Variants in MMP7 observed in about 807,000 individuals in gnomAD.
MMP7 encodes the protein matrilysin.
Under a neutral mutation model 31.5 loss-of-function variants are expected in MMP7, and 26 were observed. That is an observed-to-expected ratio of 0.83 (90% CI 0.61 to 1.15). The LOEUF (loss-of-function observed/expected upper bound fraction) is 1.15. Among genes scored for constraint, MMP7 ranks in the 50% most tolerant of loss-of-function variants. MMP7 has a pLI of 0.00. For missense variants in MMP7, 367 were observed against 326.5 expected (o/e 1.12, Z -0.96); for synonymous variants, 142 against 124.2 (o/e 1.14, Z -0.95).
At position 102,527,862 on chromosome 11, in the gene MMP7, C is replaced by T. The variant is rs10502001; in HGVS notation, c.230G>A (p.Arg77His). Residue 77 changes from arginine to histidine, a missense_variant, in exon 2 of 6, where the codon CGC becomes CAC. Coordinates refer to ENST00000260227, the MANE Select transcript of MMP7 (RefSeq NM_002423.5). ...GGGCTTCTGCATTATTTCTATGACG[C>T]GGGAGTTTAACATTCCAGTTATAGG... ...GLPITGMLNS[R>H]VIEIMQKPRC... 0.21 allele frequency: 332,760 copies of T among 1,613,680 alleles called. 37,027 individuals carry two copies. The highest frequency in any genetic ancestry group is 0.23 in the Non-Finnish European group (266,487 of 1,179,720).
chr11:102,530,551 T>C, intron 1 of MMP7, 42 bp downstream of exon 1: 1 of 1,479,458 alleles, frequency 6.8e-7, no homozygotes, highest in Non-Finnish European at 9.5e-7. Context: ...TTAATGCAGA[T>C]GGCAAAAGAA....
Position 102,525,059 on chromosome 11 carries a change from C to T in MMP7, c.490G>A (p.Gly164Arg). The change falls in exon 4 of 6, where the codon GGG becomes AGG. Residue 164 changes from glycine to arginine, a missense_variant. Coordinates refer to ENST00000260227, the MANE Select transcript of MMP7 (RefSeq NM_002423.5). ...IMIGFARGAHGDSYPFDGPGN... is the reference protein window; with the variant it reads ...IMIGFARGAHRDSYPFDGPGN... ...GGCCCATCAAATGGGTAGGAGTCCC[C>T]ATGAGCTGAAAGAAAATGGAGTGAT... 1 of 1,595,022 alleles carries T rather than the reference C, an allele frequency of 6.3e-7. No homozygotes were observed. Among genetic ancestry groups the T allele is most frequent in the Non-Finnish European group, 8.5e-7 (1 of 1,174,456 alleles).
At chr11:102,522,340 T>A (rs1247197492) in intron 5 of MMP7, among the ~76,000 whole-genome samples, 1 of 152,284 alleles carries the variant, frequency 6.6e-6, no homozygotes, top group Non-Finnish European at 1.5e-5. Context: ...AGTGATCTTT[T>A]TGCAGTGTAT....
intron 3 of MMP7, chr11:102,527,236 A>C (rs1398626005): frequency 2.5e-6 from 1 of 404,008 alleles, no homozygotes; most frequent in East Asian, 5.3e-5. Context: ...CATAGGTAAT[A>C]GGGAAATGAA....
intron 5 of MMP7, among the ~76,000 whole-genome samples, chr11:102,521,978 T>C (rs1385652492): frequency 6.6e-6 from 1 of 152,244 alleles, no homozygotes; most frequent in Non-Finnish European, 1.5e-5. Flanking sequence ...CCAAAGTGTG[T>C]TCTCTGAAGT....
chr11:102,525,976 A>T (rs564171931), intron 3 of MMP7, among the ~76,000 whole-genome samples: 1 of 151,852 alleles, frequency 6.6e-6, no homozygotes, highest in African/African-American at 2.4e-5. Flanking sequence ...CTTTCCCATA[A>T]CATTTTCTTC....
Position 102,530,674 on chromosome 11 carries a change from C to T in MMP7, c.27G>A (p.Val9=), listed in dbSNP as rs777252859. The change falls in exon 1 of 6, where the codon GTG becomes GTA. Residue 9 remains valine (V), a synonymous_variant. Transcript: ENST00000260227. MRLTVLCA[V]CLLPGSLALP... is the part of the protein sequence containing the mutation. ...GGGCCAGGCTGCCAGGCAGCAGGCA[C>T]ACAGCACACAGCACGGTGAGTCGCA... is the stretch of plus-strand genomic sequence containing the variant. 2 of 1,613,832 alleles carry T rather than the reference C, an allele frequency of 1.2e-6. No homozygotes were observed. The highest frequency in any genetic ancestry group is 4.5e-5 in the East Asian group (2 of 44,872).
chr11:102,530,445 A>G lies in MMP7; in HGVS notation c.108+148T>C. Reference sequence around the variant, plus strand: ...ACCTGCTTTTAATGGCTACTTGATGAAAACATATATTGCTTTTATAATCCG... The same window carrying G: ...ACCTGCTTTTAATGGCTACTTGATGGAAACATATATTGCTTTTATAATCCG... On this transcript the variant is annotated intron_variant, in intron 1 of 5. Coordinates refer to ENST00000260227, the MANE Select transcript of MMP7 (RefSeq NM_002423.5). 15 of 663,670 alleles carry G rather than the reference A, an allele frequency of 2.3e-5. 1 individual carries two copies. The South Asian group carries it at 2.4e-4, about 11-fold the overall frequency. The allele number at this position is 663,670 out of a possible 1,614,324, so 41.1% of individuals were successfully genotyped here. A position where few individuals can be genotyped will look rare whatever the true frequency, so the allele number is the denominator to read the frequency against.
At chr11:102,525,105 T>A in intron 3 of MMP7, 41 bp from the exon 4 acceptor site, 1 of 1,568,692 alleles carries the variant, frequency 6.4e-7, no homozygotes, top group Non-Finnish European at 8.6e-7. Context: ...GACTGATTTT[T>A]TTTTTCTCCA....
intron 5 of MMP7, among the ~76,000 whole-genome samples, 173 bp downstream of exon 5, chr11:102,523,067 C>A (rs1458298910): frequency 6.6e-6 from 1 of 152,142 alleles, no homozygotes; most frequent in East Asian, 1.9e-4. Context: ...TAGTATATTA[C>A]AGCCTAGTTA....
At position 102,520,595 on chromosome 11, in the gene MMP7, A is replaced by T; in HGVS notation, c.*181T>A. 1.9e-6 allele frequency: 1 copy of T among 520,570 alleles called. No homozygotes were observed. Among genetic ancestry groups the T allele is most frequent in the South Asian group, 2.9e-5 (1 of 34,614 alleles). 32.2% of individuals were successfully genotyped at this position (520,570 alleles called of 1,614,324 possible). ...CACTGCAAGTATAGATGAATAAGAC[A>T]CAGTCACACCATAAAGGAGTTTATC... is the stretch of plus-strand genomic sequence containing the variant. On this transcript the variant is annotated 3_prime_UTR_variant, in exon 6 of 6. Coordinates refer to ENST00000260227, the MANE Select transcript of MMP7 (RefSeq NM_002423.5).
At chr11:102,528,342 G>A (rs773795026) in intron 1 of MMP7, among the ~76,000 whole-genome samples, 2 of 152,198 alleles carry the variant, frequency 1.3e-5, no homozygotes, top group African/African-American at 2.4e-5. Flanking sequence ...GACATTCTCT[G>A]TGTTATCATA....
In MMP7 at chr11:102,520,566, T is replaced by C. The variant is rs1276414462; in HGVS notation, c.*210A>G. The C allele has an allele frequency of 1.1e-5, 5 of 463,790 alleles. No homozygotes were observed. Among genetic ancestry groups the C allele is most frequent in the Admixed American group, 7.7e-5 (2 of 25,828 alleles). The allele number at this position is 463,790 out of a possible 1,614,324, so 28.7% of individuals were successfully genotyped here. On this transcript the variant is annotated 3_prime_UTR_variant, in exon 6 of 6. Coordinates refer to ENST00000260227, the MANE Select transcript of MMP7 (RefSeq NM_002423.5). The stretch of plus-strand genomic sequence containing the variant: ...TGTGTATGTAACATTTATTGACATC[T>C]ACCCACTGCAAGTATAGATGAATAA...
In MMP7 at chr11:102,527,621, C is replaced by A. The variant is rs1858686964; in HGVS notation, c.387G>T (p.Val129=). ...DLPHITVDRL[V]SKALNMWGKE... is the part of the protein sequence containing the mutation. ...TGCCCCACATGTTTAAAGCCTTTGA[C>A]ACTAATCGATCCACTGTAATATGCG... is the stretch of plus-strand genomic sequence containing the variant. Residue 129 remains valine, a synonymous_variant, in exon 3 of 6, where the codon GTG becomes GTT. Transcript: ENST00000260227. The A allele has an allele frequency of 1.2e-6, 2 of 1,614,124 alleles. No homozygotes were observed. Among genetic ancestry groups the A allele is most frequent in the Non-Finnish European group, 1.7e-6 (2 of 1,180,006 alleles).
rs189051845 is a variant in MMP7 at position 102,527,791 on chromosome 11, T to A, written c.301A>T (p.Ser101Cys). The A allele has an allele frequency of 3.1e-6, 5 of 1,614,206 alleles. No individual in the cohort carries two copies. In the African/African-American group the frequency reaches 5.3e-5, roughly 17 times the overall value. ...ACCACTTTGGAAGTCCATTTTGGGC[T>A]ATTTGGAAATAGTGAGTATTCTGCA... ...DVAEYSLFPN[S>C]PKWTSKVVTY... The change falls in exon 2 of 6, where the codon AGC (serine) becomes TGC (cysteine). Residue 101 changes from serine (S) to cysteine (C), a missense_variant. By Grantham distance (112) the Ser-to-Cys change is moderately radical. Transcript: ENST00000260227.
At chr11:102,530,523 A>T in intron 1 of MMP7, 70 bp downstream of exon 1, 1 of 1,263,024 alleles carries the variant, frequency 7.9e-7, no homozygotes, top group Non-Finnish European at 1.2e-6. Context: ...GAAGGGAAAT[A>T]ATTGAAAAAC....
chr11:102,528,332 G>A (rs1347255038), intron 1 of MMP7, among the ~76,000 whole-genome samples: 2 of 152,196 alleles, frequency 1.3e-5, no homozygotes, highest in Non-Finnish European at 2.9e-5. Flanking sequence ...GTACGACTGG[G>A]ACATTCTCTG....
At chr11:102,524,852 T>C (rs1858650547) in intron 4 of MMP7, 84 bp downstream of exon 4, 1 of 1,444,134 alleles carries the variant, frequency 6.9e-7, no homozygotes, top group African/African-American at 1.4e-5. Flanking sequence ...CAATACTTAT[T>C]ATAAATTAAT....
At chr11:102,526,104 G>A (rs1219239302) in intron 3 of MMP7, among the ~76,000 whole-genome samples, 1 of 150,272 alleles carries the variant, frequency 6.7e-6, no homozygotes, top group Non-Finnish European at 1.5e-5. Context: ...TGAAACACTA[G>A]CAATTAAGAA....
Sources: allele counts gnomAD v4.1 joint callset (sites outside exome capture counted in the v4.1 genomes callset), GRCh38; gene constraint gnomAD v4.1.1; transcripts MANE v1.5; gene names NCBI Gene and HGNC (gene_info 2026-07-23, HGNC 2026-07-21).